The following DNAH1 variants were observed in gnomAD, a reference collection of about 807,000 sequenced individuals.
DNAH1 encodes the protein dynein axonemal heavy chain 1, also known as axonemal beta dynein heavy chain 1.
DNAH1 carries 327 observed loss-of-function variants against 484.3 expected under a neutral mutation model. That is an observed-to-expected ratio of 0.68 (90% CI 0.62 to 0.74). DNAH1 has a LOEUF of 0.74. Among genes scored for constraint, DNAH1 ranks in the 30% least tolerant of loss-of-function variants. The probability of loss-of-function intolerance (pLI) is 0.00; values close to 1 mark genes in which losing one functional copy is unlikely to be tolerated. For synonymous variants in DNAH1, 2,192 were observed against 2,191.9 expected, an observed-to-expected ratio of 1.00 and a Z score of 0.00; for missense variants, 5,052 against 5,546.8, an observed-to-expected ratio of 0.91 and a Z score of 2.83.
chr3:52,332,210 C>A lies in DNAH1; in HGVS notation c.1102C>A (p.Pro368Thr). ...RIQLLFCAED[P>T]CMFAQRVVQA... The stretch of plus-strand genomic sequence containing the variant: ...CCAGCTTCTCTTCTGCGCTGAGGAC[C>A]CTTGCATGTTCGCACAACGTGTGGT... Residue 368 changes from proline to threonine, a missense_variant, in exon 8 of 78, where the codon CCT (proline) becomes ACT (threonine). Coordinates refer to ENST00000420323, the MANE Select transcript of DNAH1 (RefSeq NM_015512.5). 1 of 1,611,204 alleles carries A rather than the reference C, an allele frequency of 6.2e-7. No individual in the cohort carries two copies. Among genetic ancestry groups the A allele is most frequent in the East Asian group, 2.2e-5 (1 of 44,766 alleles).
intron 26 of DNAH1, 150 bp downstream of exon 26, chr3:52,359,536 C>T: frequency 8.8e-7 from 1 of 1,134,774 alleles, no homozygotes; most frequent in Non-Finnish European, 1.2e-6. Flanking sequence ...TGAAGTGTCT[C>T]ACAACCAGCC....
intron 8 of DNAH1, among the ~76,000 whole-genome samples, chr3:52,343,637 T>C (rs1350211704): frequency 6.6e-6 from 1 of 151,882 alleles, no homozygotes; most frequent in Non-Finnish European, 1.5e-5. Context: ...CTGGTGCAAG[T>C]GTGGGCTGCA....
intron 1 of DNAH1, among the ~76,000 whole-genome samples, chr3:52,318,944 T>C (rs953195465): frequency 1.6e-4 from 25 of 152,210 alleles, no homozygotes; most frequent in African/African-American, 5.5e-4. Context: ...GTGAGTGGCA[T>C]AGAAGCCCTC....
At chr3:52,352,769 A>G in intron 18 of DNAH1, 62 bp downstream of exon 18, 1 of 1,551,446 alleles carries the variant, frequency 6.4e-7, no homozygotes, top group Non-Finnish European at 8.7e-7. Context: ...GCTCATGTAG[A>G]TGCAGCTGCC....
At position 52,346,591 on chromosome 3, in the gene DNAH1, C is replaced by T; in HGVS notation, c.1776C>T (p.Leu592=). The change falls in exon 11 of 78, where the codon CTC becomes CTT. Residue 592 remains leucine (L), a synonymous_variant. Transcript: ENST00000420323. ...NLYETNWEVY[L]MSKLRKLMEL... is the part of the protein sequence containing the mutation. ...ACGAGACCAACTGGGAGGTGTACCT[C>T]ATGTCCAAGCTGCGCAAGCTGATGG... 1.2e-6 allele frequency: 2 copies of T among 1,614,026 alleles called. No individual in the cohort carries two copies. The highest frequency in any genetic ancestry group is 1.7e-6 in the Non-Finnish European group (2 of 1,179,882).
intron 44 of DNAH1, chr3:52,374,835 C>A: frequency 3.7e-6 from 4 of 1,095,330 alleles, no homozygotes; most frequent in Non-Finnish European, 5.6e-6. Context: ...AATGGAAGTA[C>A]GAGAAGAAGC....
intron 44 of DNAH1, chr3:52,373,752 T>C: frequency 7.1e-7 from 1 of 1,400,224 alleles, no homozygotes. Flanking sequence ...TGAACTAAAG[T>C]AGAAGGAATT....
Position 52,398,599 on chromosome 3 carries a change from A to G in DNAH1, c.12090-251A>G, listed in dbSNP as rs546290907. The stretch of plus-strand genomic sequence containing the variant: ...CACCGCACCTGGCCAACTCAGCCAT[A>G]TTTTTATTATTCACATTTTGTAGAC... On this transcript the variant is annotated intron_variant, in intron 75 of 77. Transcript: ENST00000420323. Among the ~76,000 whole-genome samples the G allele has an allele frequency of 2.6e-5, 4 of 152,232 alleles. No homozygotes were observed. In the South Asian group the frequency reaches 8.3e-4, roughly 32 times the overall value.
chr3:52,374,683 A>G (rs1440693654), intron 44 of DNAH1: 19 of 1,429,660 alleles, frequency 1.3e-5, no homozygotes, highest in Non-Finnish European at 1.8e-5. Context: ...CCTTCCTTGT[A>G]CCACAACTCA....
chr3:52,323,921 T>G (rs1374273303), intron 3 of DNAH1, 41 bp downstream of exon 3: 1 of 1,492,194 alleles, frequency 6.7e-7, no homozygotes, highest in East Asian at 2.5e-5. Flanking sequence ...TCCCGGTAGG[T>G]ATTTCAAAGC....
chr3:52,374,282 G>C (rs1468077227), intron 44 of DNAH1: 3 of 1,527,834 alleles, frequency 2.0e-6, no homozygotes, highest in East Asian at 4.5e-5. Context: ...ACTAAAAGAA[G>C]AACACAAGAT....
At position 52,396,518 on chromosome 3, in the gene DNAH1, TTCC is replaced by T. The variant is rs781147355; in HGVS notation, c.11413_11415del (p.Leu3805del). ...GTCCTATAGTAGCCTTGGTGAAGACTTCCTCAACTCCTGCCACAAGGTGAGGCA... is the reference window on the plus strand; with the variant it reads ...GTCCTATAGTAGCCTTGGTGAAGACTTCAACTCCTGCCACAAGGTGAGGCA... On this transcript the variant is annotated inframe_deletion, in exon 71 of 78. Transcript: ENST00000420323. The T allele has an allele frequency of 6.2e-7, 1 of 1,611,702 alleles. No individual in the cohort carries two copies. Among genetic ancestry groups the T allele is most frequent in the East Asian group, 2.2e-5 (1 of 44,790 alleles).
intron 11 of DNAH1, among the ~76,000 whole-genome samples, chr3:52,347,364 G>C (rs1411445512): frequency 6.6e-6 from 1 of 152,186 alleles, no homozygotes; most frequent in Non-Finnish European, 1.5e-5. Flanking sequence ...GATGGAGTGG[G>C]AGAGCTTGCA....
intron 46 of DNAH1, 97 bp downstream of exon 46, chr3:52,376,090 AC>A: frequency 6.7e-7 from 1 of 1,485,268 alleles, no homozygotes; most frequent in Non-Finnish European, 9.1e-7. Context: ...GCCGTGGTGA[AC>A]CATCCTCAGG....
Position 52,358,675 on chromosome 3 carries a change from G to A in DNAH1, c.4204G>A (p.Glu1402Lys). ...SNVEDWLREV[E>K]RSMKASVHDI... is the part of the protein sequence containing the mutation. ...CGTGGAGGACTGGCTGCGGGAGGTG[G>A]AGCGCAGCATGAAGGCCAGTGTGCA... Residue 1402 changes from glutamate to lysine, a missense_variant, in exon 25 of 78, where the codon GAG (glutamate) becomes AAG (lysine). By Grantham distance (56) the Glu-to-Lys change is moderately conservative. This residue lies in a region of DNAH1 where 2,929 missense variants were observed against 3,409.4 expected (regional missense o/e 0.86). Coordinates refer to ENST00000420323, the MANE Select transcript of DNAH1 (RefSeq NM_015512.5). This position sits in a 1 kb window ranked among gnomAD's most constrained non-coding sequence, Gnocchi z 4.2. The A allele has an allele frequency of 6.2e-7, 1 of 1,613,082 alleles. No individual in the cohort carries two copies. The highest frequency in any genetic ancestry group is 1.1e-5 in the South Asian group (1 of 91,066).
At chr3:52,367,454 T>C (rs1420321903) in intron 36 of DNAH1, among the ~76,000 whole-genome samples, 2 of 151,768 alleles carry the variant, frequency 1.3e-5, no homozygotes, top group African/African-American at 2.4e-5. Context: ...CTGTACTGCT[T>C]CCCCCATTTC....
At chr3:52,384,148 G>A in intron 52 of DNAH1, 117 bp downstream of exon 52, 1 of 1,149,182 alleles carries the variant, frequency 8.7e-7, no homozygotes, top group Non-Finnish European at 1.2e-6. Context: ...GTAAGCTTTT[G>A]GTCAGGCTGT....
At chr3:52,342,484 AC>A (rs1701975152) in intron 8 of DNAH1, among the ~76,000 whole-genome samples, 1 of 152,246 alleles carries the variant, frequency 6.6e-6, no homozygotes, top group East Asian at 1.9e-4. Flanking sequence ...GCTGAGCAGC[AC>A]GGGAGAAAGA....
chr3:52,337,412 G>C (rs1701776281), intron 8 of DNAH1, among the ~76,000 whole-genome samples: 1 of 152,166 alleles, frequency 6.6e-6, no homozygotes, highest in Admixed American at 6.5e-5. Context: ...GTTTGCCTGA[G>C]AAATCCCTCT....
Sources: gnomAD v4.1 joint callset for allele counts (sites outside exome capture counted in the v4.1 genomes callset) on GRCh38, gnomAD v4.1.1 for gene constraint, gnomAD v4.1.1 regional missense constraint, Gnocchi (gnomAD v3.1) non-coding constraint, MANE v1.5 for transcripts, NCBI Gene and HGNC (gene_info 2026-07-23, HGNC 2026-07-21) for gene names.